TNIK: variants seen among roughly 807,000 people sequenced by gnomAD.
The protein encoded by TNIK is TRAF2 and NCK-interacting protein kinase.
Under a neutral mutation model 191.3 loss-of-function variants are expected in TNIK, and 49 were observed. The observed-to-expected ratio is 0.26, with a 90% CI of 0.20 to 0.32. The LOEUF is 0.32. TNIK is among the 10% of genes least tolerant of loss of function. The pLI is 1.00. For missense variants in TNIK, 1,155 were observed against 1,702.3 expected, an observed-to-expected ratio of 0.68 and a Z score of 5.66; for synonymous variants, 594 against 600.9, an observed-to-expected ratio of 0.99 and a Z score of 0.17.
At chr3:171,162,425 A>G (rs955543835) in intron 10 of TNIK, among the ~76,000 whole-genome samples, 2 of 152,244 alleles carry the variant, frequency 1.3e-5, no homozygotes, top group African/African-American at 4.8e-5. Flanking sequence ...CTCCGTCTCA[A>G]ATATATATTT....
chr3:171,085,028 A>T, intron 25 of TNIK, 90 bp downstream of exon 25: 2 of 1,018,780 alleles, frequency 2.0e-6, no homozygotes, highest in Non-Finnish European at 2.8e-6. Flanking sequence ...TAATCAGCTT[A>T]ACTACTGAAC....
intron 2 of TNIK, among the ~76,000 whole-genome samples, chr3:171,283,979 G>A (rs1365188093): frequency 6.6e-6 from 1 of 152,186 alleles, no homozygotes; most frequent in African/African-American, 2.4e-5. Context: ...AAGACAATGG[G>A]ATCTCATATC....
intron 12 of TNIK, among the ~76,000 whole-genome samples, chr3:171,148,565 C>G (rs1366524472): frequency 6.6e-6 from 1 of 152,046 alleles, no homozygotes; most frequent in African/African-American, 2.4e-5. Flanking sequence ...AGTATGAGAC[C>G]CTCAGACTGA....
At chr3:171,420,804 A>T (rs1723702550) in intron 1 of TNIK, among the ~76,000 whole-genome samples, 1 of 152,192 alleles carries the variant, frequency 6.6e-6, no homozygotes, top group Non-Finnish European at 1.5e-5. Context: ...CTGGTCTGAC[A>T]ACCAAGAGAG....
chr3:171,141,826 A>T (rs1730885821), intron 12 of TNIK, among the ~76,000 whole-genome samples: 1 of 152,084 alleles, frequency 6.6e-6, no homozygotes, highest in Non-Finnish European at 1.5e-5. Context: ...TACCAGGGGG[A>T]CCATTTCCTT....
intron 2 of TNIK, among the ~76,000 whole-genome samples, chr3:171,264,409 C>T (rs1748121928): frequency 6.6e-6 from 1 of 151,988 alleles, no homozygotes; most frequent in African/African-American, 2.4e-5. Flanking sequence ...GGCTGGAGTG[C>T]AATGGTGCTA....
intron 2 of TNIK, among the ~76,000 whole-genome samples, chr3:171,312,904 C>CT (rs2108306214): frequency 6.6e-6 from 1 of 152,192 alleles, no homozygotes; most frequent in South Asian, 2.1e-4. Flanking sequence ...ATTACTGATG[C>CT]TTAAAGATGA....
At position 171,058,819 on chromosome 3, in the gene TNIK, T is replaced by A. The variant is rs367546188; in HGVS notation, c.*5062A>T. ...TAACATAAATAAGGCAGCTAAAACG[T>A]TCAAAAATAGTTTTACAACATTCAA... On this transcript the variant is annotated 3_prime_UTR_variant, in exon 33 of 33. Transcript: ENST00000436636. Among the ~76,000 whole-genome samples, 41 of 152,348 alleles carry A rather than the reference T, an allele frequency of 2.7e-4. No individual in the cohort carries two copies. Among genetic ancestry groups the A allele is most frequent in the African/African-American group, 9.4e-4 (39 of 41,586 alleles).
intron 1 of TNIK, among the ~76,000 whole-genome samples, chr3:171,450,048 A>T (rs1164992468): frequency 6.6e-6 from 1 of 152,174 alleles, no homozygotes; most frequent in African/African-American, 2.4e-5. Flanking sequence ...ACATAAAAAA[A>T]AAATTAAACA....
At chr3:171,137,590 T>C (rs1279200007) in intron 15 of TNIK, among the ~76,000 whole-genome samples, 1 of 152,178 alleles carries the variant, frequency 6.6e-6, no homozygotes, top group African/African-American at 2.4e-5. Context: ...TAGCTCAACA[T>C]AGTGCTAAGT....
chr3:171,363,504 G>C (rs1263822565), intron 2 of TNIK, among the ~76,000 whole-genome samples: 1 of 150,872 alleles, frequency 6.6e-6, no homozygotes, highest in Non-Finnish European at 1.5e-5. Context: ...AGAAATTCTT[G>C]ATTAAAAAAC....
At chr3:171,374,916 G>A (rs369173037) in intron 1 of TNIK, among the ~76,000 whole-genome samples, 4 of 152,272 alleles carry the variant, frequency 2.6e-5, no homozygotes, top group East Asian at 1.9e-4. Context: ...ATGGAGGCAC[G>A]GAGGGATTAA....
intron 30 of TNIK, among the ~76,000 whole-genome samples, chr3:171,067,536 G>T (rs1458087389): frequency 6.6e-6 from 1 of 151,998 alleles, no homozygotes; most frequent in Non-Finnish European, 1.5e-5. Context: ...CGGGCATGAT[G>T]GTGGGCACCT....
At chr3:171,171,052 T>TA (rs982947595) in intron 9 of TNIK, among the ~76,000 whole-genome samples, 11 of 150,584 alleles carry the variant, frequency 7.3e-5, no homozygotes, top group East Asian at 1.9e-4. Flanking sequence ...ACTCTGTCTC[T>TA]AAAAAAAAAG....
At chr3:171,261,756 C>T (rs760711446) in intron 2 of TNIK, among the ~76,000 whole-genome samples, 2 of 152,182 alleles carry the variant, frequency 1.3e-5, no homozygotes, top group Non-Finnish European at 2.9e-5. Flanking sequence ...GAGGCACCCT[C>T]TTCTAATGAA....
chr3:171,295,501 TC>T (rs1372149577), intron 2 of TNIK, among the ~76,000 whole-genome samples: 1 of 152,110 alleles, frequency 6.6e-6, no homozygotes, highest in Non-Finnish European at 1.5e-5. Flanking sequence ...ACATCTCCTG[TC>T]CCCCAACTGC....
chr3:171,167,234 C>T lies in TNIK; in HGVS notation c.810G>A (p.Leu270=), dbSNP rs1734729078. 6.2e-7 allele frequency: 1 copy of T among 1,613,670 alleles called. No homozygotes were observed. The highest frequency in any genetic ancestry group is 1.1e-5 in the South Asian group (1 of 91,042). ...KKFQSFIESC[L]VKNHSQRPAT... is the part of the protein sequence containing the mutation. ...CTGGTCGCTGGCTGTGATTCTTTACCAAGCAGCTCTCAATAAATGACTGGA... is the reference window on the plus strand; with the variant it reads ...CTGGTCGCTGGCTGTGATTCTTTACTAAGCAGCTCTCAATAAATGACTGGA... The change falls in exon 10 of 33, where the codon TTG becomes TTA. Residue 270 remains leucine (L), a synonymous_variant. Transcript: ENST00000436636.
chr3:171,237,502 G>A (rs1210186658), intron 2 of TNIK, among the ~76,000 whole-genome samples: 7 of 146,570 alleles, frequency 4.8e-5, no homozygotes, highest in African/African-American at 1.2e-4. Context: ...TGATTCCCAC[G>A]GAAAAAAAAA....
intron 30 of TNIK, among the ~76,000 whole-genome samples, chr3:171,067,200 TGAG>T (rs1387051942): frequency 6.6e-6 from 1 of 152,076 alleles, no homozygotes; most frequent in Non-Finnish European, 1.5e-5. Context: ...CAAAAGAAGA[TGAG>T]GAGAATGTAA....
Sources: gnomAD v4.1 joint callset for allele counts (sites outside exome capture counted in the v4.1 genomes callset) on GRCh38, gnomAD v4.1.1 for gene constraint, MANE v1.5 for transcripts, NCBI Gene and HGNC (gene_info 2026-07-23, HGNC 2026-07-21) for gene names.